Variants in SRD5A2 observed in about 807,000 individuals in gnomAD.
SRD5A2 encodes the protein 3-oxo-5-alpha-steroid 4-dehydrogenase 2.
In SRD5A2, 30 loss-of-function variants were observed where a neutral mutation model predicts 27.4. The observed-to-expected ratio is 1.10, with a 90% CI of 0.82 to 1.49. The LOEUF (loss-of-function observed/expected upper bound fraction) is 1.49, where lower values mean the gene tolerates loss of function less well. Among genes scored for constraint, SRD5A2 ranks in the 40% most tolerant of loss-of-function variants. The pLI, the probability that SRD5A2 is intolerant of heterozygous loss-of-function variation, is 0.00. For missense variants in SRD5A2, 348 were observed against 323.4 expected, an observed-to-expected ratio of 1.08 and a Z score of -0.58; for synonymous variants, 141 against 133.6, an observed-to-expected ratio of 1.06 and a Z score of -0.38.
upstream of SRD5A2, chr2:31,581,008 G>T: frequency 7.9e-7 from 1 of 1,263,150 alleles, no homozygotes; most frequent in Non-Finnish European, 1.1e-6. Flanking sequence ...CCTCGGCCTT[G>T]GCTCCCGCCC....
intron 4 of SRD5A2, 108 bp from the exon 5 acceptor site, chr2:31,526,370 CCTGA>C (rs1227073896): frequency 3.9e-5 from 29 of 735,018 alleles, no homozygotes; most frequent in Non-Finnish European, 6.3e-5. Context: ...TTATTTTGGG[CCTGA>C]CTATTTCGAT....
Position 31,526,282 on chromosome 2 carries a change from T to A in SRD5A2, c.699-20A>T. On this transcript the variant is annotated intron_variant, in intron 4 of 4. Transcript: ENST00000622030. ...TAGAACCTAAAAGACAAGAAAGGAATAATTGTAAATATAATGGAGCAGTGG... is the reference window on the plus strand; with the variant it reads ...TAGAACCTAAAAGACAAGAAAGGAAAAATTGTAAATATAATGGAGCAGTGG... 2 of 1,499,602 alleles carry A rather than the reference T, an allele frequency of 1.3e-6. No homozygotes were observed. The highest frequency in any genetic ancestry group is 1.8e-6 in the Non-Finnish European group (2 of 1,094,396). The allele number at this position is 1,499,602 out of a possible 1,614,324, so 92.9% of individuals were successfully genotyped here. A position where few individuals can be genotyped will look rare whatever the true frequency, so the allele number is the denominator to read the frequency against.
chr2:31,613,427 A>G, the SRD5A2 span, among the ~76,000 whole-genome samples: 3 of 152,224 alleles, frequency 2.0e-5, no homozygotes, highest in East Asian at 5.8e-4. Flanking sequence ...CAATATCATT[A>G]GTCATCAGGG....
rs1291250228 is a variant in SRD5A2 at position 31,526,277 on chromosome 2, A to G, written c.699-15T>C. On this transcript the variant is annotated splice_polypyrimidine_tract_variant and intron_variant, in intron 4 of 4. Transcript: ENST00000622030. ...TGAGGTAGAACCTAAAAGACAAGAA[A>G]GGAATAATTGTAAATATAATGGAGC... 65 of 1,536,318 alleles carry G rather than the reference A, an allele frequency of 4.2e-5. No individual in the cohort carries two copies. In the East Asian group the frequency reaches 1.4e-3, roughly 34 times the overall value.
the SRD5A2 span, among the ~76,000 whole-genome samples, chr2:31,643,897 T>C: frequency 6.6e-6 from 1 of 152,214 alleles, no homozygotes; most frequent in Non-Finnish European, 1.5e-5. Context: ...TAGCAACTAA[T>C]AATTATAGAA....
chr2:31,565,154 A>C (rs551999295), intron 1 of SRD5A2, among the ~76,000 whole-genome samples: 3 of 151,940 alleles, frequency 2.0e-5, no homozygotes, highest in Admixed American at 2.0e-4. Context: ...AAGACTGATA[A>C]ATTTAAGATA....
chr2:31,590,318 G>A, the SRD5A2 span, among the ~76,000 whole-genome samples: 2 of 152,178 alleles, frequency 1.3e-5, no homozygotes, highest in African/African-American at 2.4e-5. Flanking sequence ...AGCATGGAAT[G>A]TTCTTCCATT....
chr2:31,655,093 T>A, the SRD5A2 span, among the ~76,000 whole-genome samples: 30 of 152,300 alleles, frequency 2.0e-4, no homozygotes, highest in Admixed American at 9.8e-4. Context: ...GTGCTTTTTT[T>A]AATTTTTTTA....
In SRD5A2 at chr2:31,555,962, C is replaced by G. The variant is rs1431512279; in HGVS notation, c.282-22196G>C. On this transcript the variant is annotated intron_variant, in intron 1 of 4. Transcript: ENST00000622030. Reference sequence around the variant, plus strand: ...TCTAAAATGAAAACAAAATAAAAAACAGCCATCATTGGTGAGATTTTGGGT... The same window carrying G: ...TCTAAAATGAAAACAAAATAAAAAAGAGCCATCATTGGTGAGATTTTGGGT... Among the ~76,000 whole-genome samples the G allele has an allele frequency of 3.3e-5, 5 of 152,134 alleles. No individual in the cohort carries two copies. In the East Asian group the frequency reaches 9.6e-4, roughly 29 times the overall value.
chr2:31,639,488 G>C, the SRD5A2 span, among the ~76,000 whole-genome samples: 4 of 151,980 alleles, frequency 2.6e-5, no homozygotes, highest in African/African-American at 9.7e-5. Context: ...TTTTCTTTCA[G>C]ATTGAAGAAC....
At chr2:31,659,832 T>C in the SRD5A2 span, among the ~76,000 whole-genome samples, 3 of 152,130 alleles carry the variant, frequency 2.0e-5, no homozygotes, top group Non-Finnish European at 4.4e-5. Context: ...GAAAAAAATG[T>C]TAAAAAGAAA....
the SRD5A2 span, among the ~76,000 whole-genome samples, chr2:31,634,764 TATAA>T: frequency 6.6e-6 from 1 of 152,146 alleles, no homozygotes; most frequent in African/African-American, 2.4e-5. Flanking sequence ...AGCTCCCACA[TATAA>T]ATGAGATCAT....
chr2:31,658,309 T>C, the SRD5A2 span, among the ~76,000 whole-genome samples: 3 of 151,922 alleles, frequency 2.0e-5, no homozygotes, highest in African/African-American at 7.3e-5. Context: ...ACATTATACC[T>C]AGAGGAATGA....
chr2:31,536,697 C>T (rs1666033128), intron 1 of SRD5A2, among the ~76,000 whole-genome samples: 1 of 151,930 alleles, frequency 6.6e-6, no homozygotes, highest in Non-Finnish European at 1.5e-5. Context: ...TAGTTCAAAG[C>T]TTGTTTCACT....
At chr2:31,554,797 T>G (rs1666459430) in intron 1 of SRD5A2, among the ~76,000 whole-genome samples, 1 of 152,174 alleles carries the variant, frequency 6.6e-6, no homozygotes, top group Non-Finnish European at 1.5e-5. Flanking sequence ...CCAACATGTT[T>G]CAGGACCATG....
At chr2:31,640,489 T>C in the SRD5A2 span, among the ~76,000 whole-genome samples, 6 of 152,192 alleles carry the variant, frequency 3.9e-5, no homozygotes, top group African/African-American at 1.4e-4. Flanking sequence ...TTTCATTTAG[T>C]ATATTTGCTT....
In SRD5A2 at chr2:31,524,301, T is replaced by G. The variant is rs1392569723; in HGVS notation, c.*1895A>C. On this transcript the variant is annotated 3_prime_UTR_variant, in exon 5 of 5. Transcript: ENST00000622030. The stretch of plus-strand genomic sequence containing the variant: ...AAGTGTGTTCATTCCCCCTGTGTAT[T>G]CCTCAGCACCAGGAGTGGCATCTAA... The G allele has an allele frequency of 4.4e-6, 1 of 228,234 alleles. No individual in the cohort carries two copies. Among genetic ancestry groups the G allele is most frequent in the East Asian group, 6.3e-5 (1 of 15,922 alleles). 14.1% of individuals were successfully genotyped at this position (228,234 alleles called of 1,614,324 possible).
intron 1 of SRD5A2, among the ~76,000 whole-genome samples, 185 bp from the exon 2 acceptor site, chr2:31,533,951 A>G (rs1481289732): frequency 6.6e-6 from 1 of 152,224 alleles, no homozygotes; most frequent in Non-Finnish European, 1.5e-5. Context: ...TACATACCTG[A>G]AAAGTACAAC....
the SRD5A2 span, among the ~76,000 whole-genome samples, chr2:31,620,330 T>C: frequency 6.6e-6 from 1 of 152,068 alleles, no homozygotes. Flanking sequence ...TTGGAATTTC[T>C]GGCCAGGGCA....
Sources: allele counts gnomAD v4.1 joint callset (sites outside exome capture counted in the v4.1 genomes callset), GRCh38; gene constraint gnomAD v4.1.1; transcripts MANE v1.5; gene names NCBI Gene and HGNC (gene_info 2026-07-23, HGNC 2026-07-21).